The following RPS24 variants were observed in gnomAD, a reference collection of about 807,000 sequenced individuals.
The protein encoded by RPS24 is small ribosomal subunit protein eS24.
For synonymous variants in RPS24, 72 were observed against 55.6 expected (o/e 1.30, Z -1.31); for missense variants, 100 against 162.5 (o/e 0.62, Z 2.09).
downstream of RPS24, among the ~76,000 whole-genome samples, chr10:78,040,993 C>T (rs940822095): frequency 7.9e-5 from 12 of 151,294 alleles, no homozygotes; most frequent in South Asian, 1.9e-3. Flanking sequence ...CCCAGGAGCT[C>T]GAGGCTACAG....
intron 4 of RPS24, among the ~76,000 whole-genome samples, chr10:78,050,980 C>G (rs1441176901): frequency 6.6e-6 from 1 of 151,888 alleles, no homozygotes; most frequent in Non-Finnish European, 1.5e-5. Context: ...CACCTGAGGT[C>G]AGGCGTTCGA....
At chr10:78,040,743 A>G, downstream of RPS24, 1 of 1,413,152 alleles carries the variant, frequency 7.1e-7, no homozygotes, top group Non-Finnish European at 9.9e-7. Flanking sequence ...TGGGACTGCT[A>G]GGAGGTTAGT....
chr10:78,036,102 A>C (rs1847860504), intron 3 of RPS24: 2 of 332,924 alleles, frequency 6.0e-6, no homozygotes, highest in South Asian at 5.0e-5. Context: ...TTGATTGTAT[A>C]CTGAGTGTCA....
chr10:78,040,724 G>A (rs1589331254), downstream of RPS24: 1 of 1,571,846 alleles, frequency 6.4e-7, no homozygotes, highest in Non-Finnish European at 8.7e-7. Context: ...AAATGTATTT[G>A]CAGTTTCCTG....
At chr10:78,044,215 A>G (rs1265052769), downstream of RPS24, among the ~76,000 whole-genome samples, 1 of 152,160 alleles carries the variant, frequency 6.6e-6, no homozygotes, top group Admixed American at 6.5e-5. Context: ...AGCAGTGGCA[A>G]GAGACATGAT....
chr10:78,055,528 G>C (rs1288506665), exon 5 of RPS24: 1 of 152,926 alleles, frequency 6.5e-6, no homozygotes, highest in Non-Finnish European at 1.5e-5. Flanking sequence ...GTGAGGCAGA[G>C]GCTGCGGTGG....
In RPS24 at chr10:78,038,539, CTTTTT is replaced by C. The variant is rs76475570; in HGVS notation, c.390+1246_390+1250del. The C allele has an allele frequency of 3.0e-3, 421 of 138,696 alleles. 3 individuals carry two copies. Among genetic ancestry groups the C allele is most frequent in the African/African-American group, 9.9e-3 (393 of 39,568 alleles). 8.6% of individuals were successfully genotyped at this position (138,696 alleles called of 1,614,324 possible). ...AATCTCCCAACTTTGTGCCTGGTGT[CTTTTT>C]TTTTTTTTTTAAAATAGAAAATTTT... is the stretch of plus-strand genomic sequence containing the variant. On this transcript the variant is annotated intron_variant, in intron 4 of 5. Coordinates refer to ENST00000372360, the MANE Select transcript of RPS24 (RefSeq NM_033022.4).
At chr10:78,046,106 C>T (rs548783891) in intron 4 of RPS24, among the ~76,000 whole-genome samples, 3 of 152,198 alleles carry the variant, frequency 2.0e-5, no homozygotes, top group Admixed American at 6.5e-5. Context: ...GAGGCTGCTT[C>T]AGGAAACTGG....
chr10:78,050,900 A>G (rs1461708785), intron 4 of RPS24, among the ~76,000 whole-genome samples: 1 of 152,230 alleles, frequency 6.6e-6, no homozygotes, highest in Non-Finnish European at 1.5e-5. Context: ...TATGCCAAAA[A>G]GAAACCCTTA....
At chr10:78,047,570 ACT>A (rs200658867) in intron 4 of RPS24, among the ~76,000 whole-genome samples, 3,160 of 152,072 alleles carry the variant, frequency 0.021, 45 homozygotes, top group Non-Finnish European at 0.028. Context: ...TGGAGAGGTC[ACT>A]CTTTCTTCTC....
intron 4 of RPS24, 47 bp from the exon 5 acceptor site, chr10:78,040,157 T>A (rs1453678200): frequency 1.3e-6 from 2 of 1,595,448 alleles, no homozygotes; most frequent in Non-Finnish European, 1.7e-6. Context: ...TAATGAAATC[T>A]TTCTTTTCCC....
exon 5 of RPS24, chr10:78,054,703 A>G (rs1191354642): frequency 7.1e-6 from 11 of 1,551,652 alleles, no homozygotes; most frequent in Admixed American, 2.0e-5. Context: ...GGCTGTGGCA[A>G]GTATTTACAG....
At chr10:78,037,517 C>A in intron 4 of RPS24, 1 of 668,232 alleles carries the variant, frequency 1.5e-6, no homozygotes, top group Non-Finnish European at 2.3e-6. Flanking sequence ...CCCTTGTCAG[C>A]TCACAGCACA....
chr10:78,047,809 C>T (rs1848061118), intron 4 of RPS24, among the ~76,000 whole-genome samples: 1 of 152,208 alleles, frequency 6.6e-6, no homozygotes, highest in South Asian at 2.1e-4. Context: ...GCTGGGAACC[C>T]CAGCAGCCCG....
At chr10:78,050,666 A>C (rs531393340) in intron 4 of RPS24, among the ~76,000 whole-genome samples, 3 of 152,350 alleles carry the variant, frequency 2.0e-5, no homozygotes, top group African/African-American at 7.2e-5. Flanking sequence ...CCTGGAGTGC[A>C]GTGATGTGAT....
Position 78,037,374 on chromosome 10 carries a change from T to C in RPS24, c.390+70T>C. On this transcript the variant is annotated intron_variant, in intron 4 of 5. Coordinates refer to ENST00000372360, the MANE Select transcript of RPS24 (RefSeq NM_033022.4). ...TCTTTAGTTTCTAGGAAAGAAGGGA[T>C]CTTATTAATTTTTAAAATAACTTTT... 4.0e-6 allele frequency: 6 copies of C among 1,514,356 alleles called. No homozygotes were observed. In the South Asian group the frequency reaches 6.5e-5, roughly 16 times the overall value. The allele number at this position is 1,514,356 out of a possible 1,614,324, so 93.8% of individuals were successfully genotyped here.
chr10:78,053,366 T>A (rs964902508), intron 4 of RPS24, among the ~76,000 whole-genome samples: 2 of 152,046 alleles, frequency 1.3e-5, no homozygotes, highest in Non-Finnish European at 2.9e-5. Context: ...TTTCCTTGAA[T>A]GCCCAGAGCC....
intron 4 of RPS24, among the ~76,000 whole-genome samples, chr10:78,053,730 A>G (rs577746277): frequency 6.6e-6 from 1 of 152,224 alleles, no homozygotes; most frequent in African/African-American, 2.4e-5. Context: ...CATAAAAAGC[A>G]GGTTGCTCAC....
exon 5 of RPS24, chr10:78,055,366 AT>A (rs5786317): frequency 4.5e-3 from 810 of 178,192 alleles, no homozygotes; most frequent in Middle Eastern, 0.029. Context: ...GAAGTTAGAG[AT>A]TTTTTTTTTT....
Sources: allele counts gnomAD v4.1 joint callset (sites outside exome capture counted in the v4.1 genomes callset), GRCh38; gene constraint gnomAD v4.1.1; transcripts MANE v1.5; gene names NCBI Gene and HGNC (gene_info 2026-07-23, HGNC 2026-07-21).